The following KATNAL1 variants were observed in gnomAD, a reference collection of about 807,000 sequenced individuals.
KATNAL1 encodes katanin p60 ATPase-containing subunit A-like 1.
Under a neutral mutation model 55.2 loss-of-function variants are expected in KATNAL1, and 32 were observed. That is an observed-to-expected ratio of 0.58 (90% CI 0.44 to 0.78). KATNAL1 has a LOEUF of 0.78. KATNAL1 is among the 30% of genes least tolerant of loss of function. The pLI, the probability that KATNAL1 is intolerant of heterozygous loss-of-function variation, is 0.00. For missense variants in KATNAL1, 466 were observed against 600.9 expected (o/e 0.78, Z 2.35); for synonymous variants, 193 against 193.6 (o/e 1.00, Z 0.02).
At chr13:30,224,329 G>A (rs1036934840) in intron 9 of KATNAL1, among the ~76,000 whole-genome samples, 4 of 152,062 alleles carry the variant, frequency 2.6e-5, no homozygotes, top group Non-Finnish European at 5.9e-5. Flanking sequence ...CCAGGAGTTT[G>A]AGACCAGCCT....
intron 9 of KATNAL1, among the ~76,000 whole-genome samples, chr13:30,218,879 G>C (rs745632858): frequency 6.6e-6 from 1 of 152,136 alleles, no homozygotes; most frequent in African/African-American, 2.4e-5. Context: ...CATCTCCACT[G>C]TGCCCCATCC....
rs1593854774 is a variant in KATNAL1, at chr13:30,230,524, G to C, written c.956C>G (p.Ser319Cys). ...IDSICSRRGT[S>C]DEHEASRRVK... is the part of the protein sequence containing the mutation. Reference sequence around the variant, plus strand: ...CCTGCGACTTGCCTCATGTTCATCAGAGGTTCCTCTTCGACTGCAGATAGA... The same window carrying C: ...CCTGCGACTTGCCTCATGTTCATCACAGGTTCCTCTTCGACTGCAGATAGA... The change falls in exon 8 of 11, where the codon TCT becomes TGT. Residue 319 changes from serine (S) to cysteine (C), a missense_variant. Ser to Cys is a moderately radical substitution (Grantham distance 112, BLOSUM62 -1). Coordinates refer to ENST00000380615, the MANE Select transcript of KATNAL1 (RefSeq NM_032116.5). 4 of 1,613,382 alleles carry C rather than the reference G, an allele frequency of 2.5e-6. No individual in the cohort carries two copies. The highest frequency in any genetic ancestry group is 1.7e-4 in the Middle Eastern group (1 of 6,054).
intron 1 of KATNAL1, chr13:30,296,222 A>AAAGAGGTG: frequency 1.1e-6 from 1 of 915,902 alleles, no homozygotes; most frequent in Non-Finnish European, 1.6e-6. Flanking sequence ...TGGCGCCTTC[A>AAAGAGGTG]AAGAGGTGAA....
At chr13:30,235,848 C>T (rs957942840) in intron 6 of KATNAL1, among the ~76,000 whole-genome samples, 1 of 138,492 alleles carries the variant, frequency 7.2e-6, no homozygotes, top group Non-Finnish European at 1.6e-5. Context: ...GTTTGATTCC[C>T]AAAAAAAAAA....
At chr13:30,228,528 C>A (rs926249331) in intron 8 of KATNAL1, among the ~76,000 whole-genome samples, 1 of 152,180 alleles carries the variant, frequency 6.6e-6, no homozygotes, top group Non-Finnish European at 1.5e-5. Context: ...AATTTGTATT[C>A]AGTGATTTCC....
intron 3 of KATNAL1, among the ~76,000 whole-genome samples, chr13:30,268,038 C>T (rs1879916716): frequency 6.6e-6 from 1 of 152,190 alleles, no homozygotes; most frequent in South Asian, 2.1e-4. Flanking sequence ...CTATGTTCTA[C>T]ATTTGTGGAG....
chr13:30,241,091 G>A lies in KATNAL1; in HGVS notation c.493-5C>T, dbSNP rs370200848. The A allele has an allele frequency of 4.5e-5, 73 of 1,609,864 alleles. No homozygotes were observed. The highest frequency in any genetic ancestry group is 5.8e-5 in the Non-Finnish European group (68 of 1,179,010). ...ATCTTGCATATTCTTCCTTCCCTGG[G>A]GATAGGTATAAAAAAAAAGTACTAG... On this transcript the variant is annotated splice_polypyrimidine_tract_variant and splice_region_variant and intron_variant, in intron 4 of 10. Transcript: ENST00000380615.
rs539477039 is a variant in KATNAL1 at position 30,220,660 on chromosome 13, C to T, written c.1147+6752G>A. ...TGCTTCTGTTGTTGCTTTAAATAAG[C>T]GTATTATTTTATGAGCTCAATCAGT... On this transcript the variant is annotated intron_variant, in intron 9 of 10. Coordinates refer to ENST00000380615, the MANE Select transcript of KATNAL1 (RefSeq NM_032116.5). Among the ~76,000 whole-genome samples the T allele has an allele frequency of 5.3e-5, 8 of 152,056 alleles. No individual in the cohort carries two copies. In the South Asian group the frequency reaches 1.7e-3, roughly 32 times the overall value.
chr13:30,296,696 C>T (rs1369810438), intron 1 of KATNAL1: 3 of 620,534 alleles, frequency 4.8e-6, no homozygotes, highest in Middle Eastern at 4.6e-4. Context: ...TTAAGCTCAA[C>T]GTGGATGACG....
At chr13:30,231,684 G>A (rs748437754) in intron 6 of KATNAL1, among the ~76,000 whole-genome samples, 2 of 152,040 alleles carry the variant, frequency 1.3e-5, no homozygotes, top group Non-Finnish European at 2.9e-5. Flanking sequence ...GAGGTAGTCA[G>A]AGATAACCTA....
chr13:30,305,254 A>G (rs1044858550), intron 1 of KATNAL1, among the ~76,000 whole-genome samples: 3 of 152,234 alleles, frequency 2.0e-5, no homozygotes, highest in African/African-American at 4.8e-5. Flanking sequence ...ACTAATTGCA[A>G]GTATTCTGGG....
rs536649499 is a variant in KATNAL1 at position 30,269,735 on chromosome 13, AAG to A, written c.323+10326_323+10327del. Among the ~76,000 whole-genome samples, 1,418 of 148,590 alleles carry A rather than the reference AAG, an allele frequency of 9.5e-3. 18 individuals carry two copies. Among genetic ancestry groups the A allele is most frequent in the African/African-American group, 0.032 (1,294 of 39,838 alleles). On this transcript the variant is annotated intron_variant, in intron 3 of 10. Coordinates refer to ENST00000380615, the MANE Select transcript of KATNAL1 (RefSeq NM_032116.5). ...TCTCTGCCCGGCCGCCCCGTCTGAG[AAG>A]AGAGGAGACCCTCCGCCTGGCAACC...
intron 3 of KATNAL1, among the ~76,000 whole-genome samples, chr13:30,263,171 G>A (rs371941455): frequency 3.3e-5 from 5 of 151,786 alleles, no homozygotes; most frequent in Non-Finnish European, 4.4e-5. Context: ...ATTCAACAAC[G>A]CTTCATGCTA....
rs150048803 is a variant in KATNAL1, at chr13:30,212,459, T to C, written c.1148-2017A>G. ...CACCACTCTGTGCCTGGCTTGCCCT[T>C]GGCCGGCGTGGGATCAGGGCCAGTA... On this transcript the variant is annotated intron_variant, in intron 9 of 10. Coordinates refer to ENST00000380615, the MANE Select transcript of KATNAL1 (RefSeq NM_032116.5). 2.4e-3 allele frequency among the ~76,000 whole-genome samples: 373 copies of C among 152,354 alleles called. 1 individual carries two copies. The highest frequency in any genetic ancestry group is 7.9e-3 in the African/African-American group (328 of 41,590).
At chr13:30,257,801 G>A (rs191402204) in intron 3 of KATNAL1, among the ~76,000 whole-genome samples, 21 of 152,290 alleles carry the variant, frequency 1.4e-4, no homozygotes, top group Admixed American at 7.8e-4. Context: ...CAGACGTGTC[G>A]TTTGTGGCAA....
chr13:30,222,221 C>T (rs536271655), intron 9 of KATNAL1, among the ~76,000 whole-genome samples: 11 of 152,116 alleles, frequency 7.2e-5, no homozygotes, highest in East Asian at 3.9e-4. Context: ...CACTGAACCG[C>T]GACACTGCCC....
chr13:30,209,391 T>C (rs1873442684), intron 10 of KATNAL1, among the ~76,000 whole-genome samples: 1 of 152,248 alleles, frequency 6.6e-6, no homozygotes, highest in Non-Finnish European at 1.5e-5. Context: ...TATTTTGCTA[T>C]AGTAGCAGTA....
At chr13:30,284,576 T>C (rs1881648710) in intron 1 of KATNAL1, among the ~76,000 whole-genome samples, 1 of 152,224 alleles carries the variant, frequency 6.6e-6, no homozygotes, top group South Asian at 2.1e-4. Context: ...GAACAGTCTA[T>C]AGTTGTCCAT....
intron 6 of KATNAL1, among the ~76,000 whole-genome samples, chr13:30,233,692 C>T (rs1876348586): frequency 6.6e-6 from 1 of 151,670 alleles, no homozygotes; most frequent in South Asian, 2.1e-4. Context: ...CAAAATCAAC[C>T]TAAGTGCCCA....
Sources: allele counts gnomAD v4.1 joint callset (sites outside exome capture counted in the v4.1 genomes callset), GRCh38; gene constraint gnomAD v4.1.1; transcripts MANE v1.5; gene names NCBI Gene and HGNC (gene_info 2026-07-23, HGNC 2026-07-21).